The following COL11A1 variants were observed in gnomAD, a reference collection of about 807,000 sequenced individuals.
COL11A1 encodes the protein collagen type XI alpha 1 chain.
Under a neutral mutation model 265.2 loss-of-function variants are expected in COL11A1, and 74 were observed. The ratio of observed to expected loss-of-function variants is 0.28; its 90% CI spans 0.23 to 0.34. COL11A1 has a LOEUF of 0.34. Ranked by LOEUF, COL11A1 falls within the 10% of genes least tolerant of loss-of-function variation. The probability of loss-of-function intolerance (pLI) is 1.00; values close to 1 mark genes in which losing one functional copy is unlikely to be tolerated. For missense variants in COL11A1, 2,165 were observed against 2,263.6 expected (o/e 0.96, Z 0.88); for synonymous variants, 816 against 727.6 (o/e 1.12, Z -1.96).
Position 102,929,593 on chromosome 1 carries a change from AT to A in COL11A1, c.3600+4855del, listed in dbSNP as rs200503789. Among the ~76,000 whole-genome samples, 1,151 of 152,154 alleles carry A rather than the reference AT, an allele frequency of 7.6e-3. 20 individuals carry two copies. The highest frequency in any genetic ancestry group is 0.026 in the African/African-American group (1,087 of 41,504). ...AATGCGGGCTCTTTTTTGGTTCCATATGAACTTTAAAGTAGTTTTTTCCAAT... is the reference window on the plus strand; with the variant it reads ...AATGCGGGCTCTTTTTTGGTTCCATAGAACTTTAAAGTAGTTTTTTCCAAT... On this transcript the variant is annotated intron_variant, in intron 46 of 66. Transcript: ENST00000370096.
intron 64 of COL11A1, 128 bp from the exon 65 acceptor site, chr1:102,881,893 T>C: frequency 2.8e-6 from 2 of 717,844 alleles, no homozygotes; most frequent in Non-Finnish European, 4.7e-6. Context: ...CGTTTTAAAA[T>C]GACACAAATT....
chr1:102,983,948 C>A (rs1363684489), intron 31 of COL11A1, among the ~76,000 whole-genome samples, 190 bp downstream of exon 31: 1 of 152,080 alleles, frequency 6.6e-6, no homozygotes, highest in Non-Finnish European at 1.5e-5. Flanking sequence ...TAAAATACTG[C>A]AATCCATAAT....
At chr1:102,889,656 A>C (rs577906907) in intron 58 of COL11A1, 94 bp from the exon 59 acceptor site, 1 of 893,984 alleles carries the variant, frequency 1.1e-6, no homozygotes, top group African/African-American at 1.7e-5. Flanking sequence ...TTTCTAAAGC[A>C]TAAAAATGAA....
chr1:103,037,764 TTTAATA>T, intron 4 of COL11A1, among the ~76,000 whole-genome samples: 1 of 152,310 alleles, frequency 6.6e-6, no homozygotes, highest in Non-Finnish European at 1.5e-5. Context: ...GATCTAAACT[TTTAATA>T]TTAACATTTA....
At chr1:102,980,338 T>G (rs906443887) in intron 31 of COL11A1, among the ~76,000 whole-genome samples, 2 of 152,132 alleles carry the variant, frequency 1.3e-5, no homozygotes, top group African/African-American at 4.8e-5. Flanking sequence ...AATAACCAAA[T>G]TTCCCATATG....
intron 5 of COL11A1, among the ~76,000 whole-genome samples, chr1:103,029,169 A>G (rs1467415321): frequency 6.6e-6 from 1 of 152,056 alleles, no homozygotes; most frequent in Non-Finnish European, 1.5e-5. Flanking sequence ...TATAAGCTGA[A>G]AAAAGCATAT....
At chr1:102,959,425 A>T (rs934615510) in intron 41 of COL11A1, among the ~76,000 whole-genome samples, 20 of 151,972 alleles carry the variant, frequency 1.3e-4, no homozygotes, top group African/African-American at 4.4e-4. Flanking sequence ...CGATTTTGTA[A>T]TCTGCACTCT....
chr1:102,932,708 C>T (rs945249291), intron 46 of COL11A1, among the ~76,000 whole-genome samples: 1 of 151,790 alleles, frequency 6.6e-6, no homozygotes, highest in Non-Finnish European at 1.5e-5. Flanking sequence ...GTTCCATTCT[C>T]CCTATCACTT....
At chr1:103,065,548 G>GGAAAAAAAAAAAAAAAAAAAAAAAAAAA (rs1671058796) in intron 4 of COL11A1, among the ~76,000 whole-genome samples, 1 of 69,060 alleles carries the variant, frequency 1.4e-5, no homozygotes, top group African/African-American at 5.4e-5. Flanking sequence ...AAAAAAAAAA[G>GGAAAAAAAAAAAAAAAAAAAAAAAAAAA]AAAGCAAACA....
chr1:102,916,832 AAT>A (rs1655393912), intron 49 of COL11A1, among the ~76,000 whole-genome samples: 1 of 150,064 alleles, frequency 6.7e-6, no homozygotes, highest in Admixed American at 6.6e-5. Context: ...TACAAAAAAA[AAT>A]TGCATTTATA....
rs780290869 is a variant in COL11A1 at position 103,078,866 on chromosome 1, T to C, written c.280A>G (p.Thr94Ala). The C allele has an allele frequency of 1.2e-6, 2 of 1,605,880 alleles. No individual in the cohort carries two copies. Among genetic ancestry groups the C allele is most frequent in the South Asian group, 1.1e-5 (1 of 90,640 alleles). The change falls in exon 3 of 67, where the codon ACT becomes GCT. Residue 94 changes from threonine (T) to alanine (A), a missense_variant. Transcript: ENST00000370096. ...AGTATTGAAAAGTCTTCTGGGAAAG[T>C]TCCACCTGAGAAGAAAAGGCCAAAG... ...APTKQLFPGG[T>A]FPEDFSILFT...
intron 9 of COL11A1, among the ~76,000 whole-genome samples, chr1:103,019,331 T>C (rs934082260): frequency 6.6e-6 from 1 of 152,022 alleles, no homozygotes. Context: ...TGAATAAATA[T>C]GATATAAGCT....
Position 102,912,149 on chromosome 1 carries a change from A to G in COL11A1, c.4086+10T>C. On this transcript the variant is annotated intron_variant, in intron 54 of 66. Coordinates refer to ENST00000370096, the MANE Select transcript of COL11A1 (RefSeq NM_001854.4). ...GCATATGTTTCAAATAAAGAATTAA[A>G]GAAACTTACTCGTTTTCCAGGAGGA... 6.2e-7 allele frequency: 1 copy of G among 1,606,072 alleles called. No homozygotes were observed. The highest frequency in any genetic ancestry group is 8.5e-7 in the Non-Finnish European group (1 of 1,175,232).
chr1:102,925,411 C>A (rs932916567), intron 46 of COL11A1, among the ~76,000 whole-genome samples: 2 of 151,924 alleles, frequency 1.3e-5, no homozygotes, highest in Non-Finnish European at 2.9e-5. Flanking sequence ...AGGAACTTTA[C>A]TGAATATATT....
At chr1:102,942,138 CA>C (rs1286439391) in intron 42 of COL11A1, among the ~76,000 whole-genome samples, 1 of 152,114 alleles carries the variant, frequency 6.6e-6, no homozygotes, top group Non-Finnish European at 1.5e-5. Context: ...TCAAATCTAT[CA>C]ATACTCATAG....
chr1:102,961,758 T>C, intron 41 of COL11A1, 108 bp downstream of exon 41: 2 of 973,772 alleles, frequency 2.1e-6, no homozygotes, highest in South Asian at 2.7e-5. Flanking sequence ...GATTGACATG[T>C]GTTTATTTTC....
In COL11A1 at chr1:102,997,123, C is replaced by A. The variant is rs762407046; in HGVS notation, c.2198G>T (p.Gly733Val). ...AGACTGGCCTTCTTTCCCAGGATGA[C>A]CCTATATTTAGCAAAAACATACACT... ...AGLPGADGPP[G>V]HPGKEGQSGE... Residue 733 changes from glycine to valine, a missense_variant and splice_region_variant, in exon 26 of 67, where the codon GGT (glycine) becomes GTT (valine). Coordinates refer to ENST00000370096, the MANE Select transcript of COL11A1 (RefSeq NM_001854.4). The A allele has an allele frequency of 6.2e-7, 1 of 1,611,414 alleles. No individual in the cohort carries two copies.
intron 1 of COL11A1, among the ~76,000 whole-genome samples, chr1:103,106,763 G>C (rs947677166): frequency 4.6e-5 from 7 of 152,088 alleles, no homozygotes; most frequent in Non-Finnish European, 8.8e-5. Flanking sequence ...CCTGCTACTC[G>C]GGAAGCTGAA....
At position 102,898,667 on chromosome 1, in the gene COL11A1, A is replaced by G. The variant is rs1467256592; in HGVS notation, c.4247T>C (p.Val1416Ala). ...CATCTTTTTAACACAGATGCTCACCACAGGACCAGGGATGCCCCGAAGACC... is the reference window on the plus strand; with the variant it reads ...CATCTTTTTAACACAGATGCTCACCGCAGGACCAGGGATGCCCCGAAGACC... ...PEGLRGIPGP[V>A]GEQGLPGAAG... The change falls in exon 56 of 67, where the codon GTG becomes GCG. Residue 1416 changes from valine to alanine, a missense_variant and splice_region_variant. Val to Ala is a moderately conservative substitution (Grantham distance 64). Coordinates refer to ENST00000370096, the MANE Select transcript of COL11A1 (RefSeq NM_001854.4). 1 of 1,611,402 alleles carries G rather than the reference A, an allele frequency of 6.2e-7. No individual in the cohort carries two copies. Among genetic ancestry groups the G allele is most frequent in the Admixed American group, 1.7e-5 (1 of 59,948 alleles).
Sources: gnomAD v4.1 joint callset for allele counts (sites outside exome capture counted in the v4.1 genomes callset) on GRCh38, gnomAD v4.1.1 for gene constraint, MANE v1.5 for transcripts, NCBI Gene and HGNC (gene_info 2026-07-23, HGNC 2026-07-21) for gene names.